The following SUCLG2 variants were observed in gnomAD, a reference collection of about 807,000 sequenced individuals.
SUCLG2 encodes succinate-CoA ligase GDP-forming subunit beta.
SUCLG2 carries 42 observed loss-of-function variants against 47.9 expected under a neutral mutation model. The observed-to-expected ratio is 0.88, with a 90% CI of 0.69 to 1.14. SUCLG2 has a LOEUF of 1.14. SUCLG2 is among the 50% of genes most tolerant of loss of function. The pLI is 0.00. For missense variants in SUCLG2, 571 were observed against 525.9 expected (o/e 1.09, Z -0.84); for synonymous variants, 195 against 197.3 (o/e 0.99, Z 0.10).
chr3:67,420,213 A>G (rs190062812), intron 9 of SUCLG2, among the ~76,000 whole-genome samples: 24 of 152,366 alleles, frequency 1.6e-4, no homozygotes, highest in African/African-American at 4.8e-4. Flanking sequence ...ACTATCAAAT[A>G]TAAGTCCAAC....
intron 9 of SUCLG2, among the ~76,000 whole-genome samples, chr3:67,428,366 C>T: frequency 6.6e-6 from 1 of 152,170 alleles, no homozygotes; most frequent in Non-Finnish European, 1.5e-5. Context: ...CTACAACAGA[C>T]CTGCAGCTAA....
intron 9 of SUCLG2, among the ~76,000 whole-genome samples, chr3:67,451,931 G>C (rs765382541): frequency 6.6e-6 from 1 of 152,106 alleles, no homozygotes; most frequent in East Asian, 1.9e-4. Context: ...CTGAGGACCA[G>C]GATAACTGAA....
At chr3:67,628,082 A>T (rs1047593782) in intron 1 of SUCLG2, among the ~76,000 whole-genome samples, 3 of 152,232 alleles carry the variant, frequency 2.0e-5, no homozygotes, top group Non-Finnish European at 2.9e-5. Flanking sequence ...TAATGGGCAT[A>T]GTCTCTATCT....
At chr3:67,577,436 T>A (rs1707770978) in intron 2 of SUCLG2, among the ~76,000 whole-genome samples, 1 of 152,098 alleles carries the variant, frequency 6.6e-6, no homozygotes, top group East Asian at 1.9e-4. Flanking sequence ...TTAAGTAGAA[T>A]CATGAGCTAG....
intron 2 of SUCLG2, among the ~76,000 whole-genome samples, chr3:67,592,258 T>C (rs1708181748): frequency 6.6e-6 from 1 of 152,186 alleles, no homozygotes; most frequent in Non-Finnish European, 1.5e-5. Flanking sequence ...GCCAGGAACT[T>C]GACACTTGAT....
chr3:67,441,650 G>A (rs907888174), intron 9 of SUCLG2, among the ~76,000 whole-genome samples: 1 of 152,130 alleles, frequency 6.6e-6, no homozygotes, highest in African/African-American at 2.4e-5. Context: ...CTCAACTTTA[G>A]GATCTTTTGT....
At chr3:67,428,581 A>G (rs1703370390) in intron 9 of SUCLG2, among the ~76,000 whole-genome samples, 1 of 152,234 alleles carries the variant, frequency 6.6e-6, no homozygotes, top group Non-Finnish European at 1.5e-5. Context: ...AATGGAACAA[A>G]GCTGAACAGA....
At chr3:67,500,366 G>GTA (rs1705463705) in intron 7 of SUCLG2, among the ~76,000 whole-genome samples, 2 of 152,242 alleles carry the variant, frequency 1.3e-5, no homozygotes, top group South Asian at 2.1e-4. Flanking sequence ...CTTGTTATAA[G>GTA]TATATATATA....
rs1163305953 is a variant in SUCLG2, at chr3:67,495,816, C to G, written c.1044G>C (p.Leu348Phe). 1 of 1,613,762 alleles carries G rather than the reference C, an allele frequency of 6.2e-7. No homozygotes were observed. The highest frequency in any genetic ancestry group is 1.7e-5 in the Admixed American group (1 of 59,972). ...AGGTTACCTTAGGATCAGCTGTGAG[C>G]AATTTGAATGCTTGATATACTTGAG... ...KEAQVYQAFK[L>F]LTADPKVEAI... The change falls in exon 9 of 11, where the codon TTG (leucine) becomes TTC (phenylalanine). Residue 348 changes from leucine to phenylalanine, a missense_variant. Leu to Phe is a conservative substitution (Grantham distance 22). Coordinates refer to ENST00000307227, the MANE Select transcript of SUCLG2 (RefSeq NM_003848.4).
In SUCLG2 at chr3:67,495,903, G is replaced by A. The variant is rs368002457; in HGVS notation, c.957C>T (p.Ile319=). 382 of 1,613,998 alleles carry A rather than the reference G, an allele frequency of 2.4e-4. No individual in the cohort carries two copies. The highest frequency in any genetic ancestry group is 1.2e-3 in the Admixed American group (72 of 60,000). The part of the protein sequence containing the change: ...GAGLAMATCD[I]IFLNGGKPAN... ...CTGGCTTCCCACCATTAAGGAAAAT[G>A]ATATCACAAGTAGCCATGGCGAGCC... Residue 319 remains isoleucine, a synonymous_variant, in exon 9 of 11, where the codon ATC becomes ATT. Coordinates refer to ENST00000307227, the MANE Select transcript of SUCLG2 (RefSeq NM_003848.4).
intron 9 of SUCLG2, among the ~76,000 whole-genome samples, chr3:67,430,604 A>G (rs1219304257): frequency 6.6e-6 from 1 of 152,198 alleles, no homozygotes; most frequent in Non-Finnish European, 1.5e-5. Context: ...CTAAGATCAG[A>G]GCAGAACTGA....
chr3:67,591,420 C>A (rs1218184090), intron 2 of SUCLG2, among the ~76,000 whole-genome samples: 1 of 152,194 alleles, frequency 6.6e-6, no homozygotes, highest in Non-Finnish European at 1.5e-5. Context: ...TGCCCCCATC[C>A]AAATCTCACC....
chr3:67,583,028 G>C (rs1707922374), intron 2 of SUCLG2, among the ~76,000 whole-genome samples: 1 of 152,114 alleles, frequency 6.6e-6, no homozygotes, highest in Non-Finnish European at 1.5e-5. Context: ...CTTGTATGCA[G>C]TGACAAAAGG....
chr3:67,459,327 C>G (rs1704268691), intron 9 of SUCLG2, among the ~76,000 whole-genome samples: 1 of 152,174 alleles, frequency 6.6e-6, no homozygotes, highest in South Asian at 2.1e-4. Flanking sequence ...AGAAAACCCA[C>G]AAGATTCATG....
chr3:67,396,316 G>C (rs566665030), intron 10 of SUCLG2, among the ~76,000 whole-genome samples: 2 of 151,796 alleles, frequency 1.3e-5, no homozygotes, highest in African/African-American at 4.8e-5. Context: ...TCAAATAGAC[G>C]CAATAAAAAA....
intron 2 of SUCLG2, among the ~76,000 whole-genome samples, chr3:67,573,696 C>G (rs1181061346): frequency 2.6e-5 from 4 of 152,138 alleles, no homozygotes; most frequent in African/African-American, 9.7e-5. Context: ...CCCTCCTTTT[C>G]CTGTGTGAAA....
At chr3:67,625,701 C>A (rs1700814105) in intron 1 of SUCLG2, among the ~76,000 whole-genome samples, 1 of 152,158 alleles carries the variant, frequency 6.6e-6, no homozygotes, top group Admixed American at 6.5e-5. Flanking sequence ...ATACCGATGG[C>A]CGGGAAAATG....
intron 1 of SUCLG2, among the ~76,000 whole-genome samples, chr3:67,618,147 C>T (rs141231049): frequency 1.6e-3 from 245 of 152,214 alleles, no homozygotes; most frequent in African/African-American, 5.5e-3. Context: ...TAGGGCCAGG[C>T]GCAGTGGCTC....
rs530822934 is a variant in SUCLG2 at position 67,654,541 on chromosome 3, G to A, written c.46C>T (p.Leu16=). The change falls in exon 1 of 11, where the codon CTA becomes TTA. Residue 16 remains leucine (L), a synonymous_variant. Transcript: ENST00000307227. ...GCCAGGAAGCGGGGCCGCAGCGCTA[G>A]GGCTCGCAGAAGCTTCCCGGCCTGC... The part of the protein sequence containing the change: ...AAQAGKLLRA[L]ALRPRFLAAG... 275 of 1,265,280 alleles carry A rather than the reference G, an allele frequency of 2.2e-4. No individual in the cohort carries two copies. In the East Asian group the frequency reaches 8.0e-3, roughly 37 times the overall value. 78.4% of individuals were successfully genotyped at this position (1,265,280 alleles called of 1,614,324 possible). A position where few individuals can be genotyped will look rare whatever the true frequency, so the allele number is the denominator to read the frequency against.
Sources: gnomAD v4.1 joint callset for allele counts (sites outside exome capture counted in the v4.1 genomes callset) on GRCh38, gnomAD v4.1.1 for gene constraint, MANE v1.5 for transcripts, NCBI Gene and HGNC (gene_info 2026-07-23, HGNC 2026-07-21) for gene names.